ZNF415: variants seen among roughly 807,000 people sequenced by gnomAD.
ZNF415 encodes the protein zinc finger protein 415.
ZNF415 carries 5 observed loss-of-function variants against 7.3 expected under a neutral mutation model. The ratio of observed to expected loss-of-function variants is 0.69; its 90% CI spans 0.36 to 1.44. The LOEUF is 1.44. Among genes scored for constraint, ZNF415 ranks in the 40% most tolerant of loss-of-function variants. ZNF415 has a pLI of 0.04. For missense variants in ZNF415, 628 were observed against 664.8 expected (o/e 0.94, Z 0.61); for synonymous variants, 207 against 226.3 (o/e 0.91, Z 0.77).
Position 53,108,039 on chromosome 19 carries a change from T to C in ZNF415, c.*338A>G, listed in dbSNP as rs1184165837. 1 of 252,438 alleles carries C rather than the reference T, an allele frequency of 4.0e-6. No individual in the cohort carries two copies. Among genetic ancestry groups the C allele is most frequent in the Non-Finnish European group, 7.6e-6 (1 of 132,166 alleles). 15.6% of individuals were successfully genotyped at this position (252,438 alleles called of 1,614,324 possible). On this transcript the variant is annotated 3_prime_UTR_variant, in exon 4 of 4. Transcript: ENST00000243643. Reference sequence around the variant, plus strand: ...ATCCTTGGATGTGTTACAGTTTTGATCCTTGGTTAATAGCTTCAACATGCA... The same window carrying C: ...ATCCTTGGATGTGTTACAGTTTTGACCCTTGGTTAATAGCTTCAACATGCA...
intron 2 of ZNF415, among the ~76,000 whole-genome samples, chr19:53,118,123 T>C (rs1000220764): frequency 2.0e-5 from 3 of 152,142 alleles, no homozygotes; most frequent in South Asian, 4.2e-4. Context: ...AAAGGTATTA[T>C]ATGCAAATGA....
intron 3 of ZNF415, chr19:53,115,718 T>G (rs1215691240): frequency 3.0e-5 from 46 of 1,550,414 alleles, no homozygotes; most frequent in Admixed American, 3.9e-5. Flanking sequence ...TTTCACACCT[T>G]TGATCCATTC....
In ZNF415 at chr19:53,128,768, T is replaced by C. The variant is rs745624279; in HGVS notation, c.-68+4088A>G. On this transcript the variant is annotated intron_variant, in intron 1 of 3. Transcript: ENST00000243643. ...AGTTTAGACCAATTACAGATGAAAT[T>C]TCCAGAATATGAGACCATCCTCACT... 2.6e-4 allele frequency among the ~76,000 whole-genome samples: 28 copies of C among 106,322 alleles called. 2 individuals are homozygous for C. The highest frequency in any genetic ancestry group is 4.8e-4 in the Non-Finnish European group (22 of 45,906). The allele number at this position is 106,322 out of a possible 152,430, so 69.8% of individuals were successfully genotyped here. A position where few individuals can be genotyped will look rare whatever the true frequency, so the allele number is the denominator to read the frequency against.
chr19:53,122,652 C>T lies in ZNF415; in HGVS notation c.15+10G>A. On this transcript the variant is annotated intron_variant, in intron 2 of 3. Transcript: ENST00000243643. Reference sequence around the variant, plus strand: ...GGAGACAGAATGATCCACACAGAATCTTTCTTTACCTGAGTAAAAGCCATT... The same window carrying T: ...GGAGACAGAATGATCCACACAGAATTTTTCTTTACCTGAGTAAAAGCCATT... 6.2e-7 allele frequency: 1 copy of T among 1,614,184 alleles called. No homozygotes were observed. Among genetic ancestry groups the T allele is most frequent in the Non-Finnish European group, 8.5e-7 (1 of 1,180,032 alleles).
rs200654382 is a variant in ZNF415, at chr19:53,108,686, C to T, written c.1359G>A (p.Ser453=). Reference sequence around the variant, plus strand: ...GGATGACCTGATGGGTAGTTAAGTTCGAATGCACACTAAAGGCTTTCCCAC... The same window carrying T: ...GGATGACCTGATGGGTAGTTAAGTTTGAATGCACACTAAAGGCTTTCCCAC... The part of the protein sequence containing the change: ...NECGKAFSVH[S]NLTTHQVIHT... The change falls in exon 4 of 4, where the codon TCG becomes TCA. Residue 453 remains serine, a synonymous_variant. Coordinates refer to ENST00000243643, the MANE Select transcript of ZNF415 (RefSeq NM_018355.4). The T allele has an allele frequency of 1.3e-5, 21 of 1,614,024 alleles. No individual in the cohort carries two copies. The Middle Eastern group carries it at 4.9e-4, about 38-fold the overall frequency.
At position 53,116,314 on chromosome 19, in the gene ZNF415, C is replaced by T; in HGVS notation, c.135G>A (p.Leu45=). ...CTTCTGGAAGAAAATTATCCTCACC[C>T]AGGGAGACCAGGTTCCTGTAGTTCT... ...MLENYRNLVS[L]DLSRNCVIKE... The change falls in exon 3 of 4, where the codon CTG becomes CTA. Residue 45 remains leucine, a splice_region_variant and synonymous_variant. Transcript: ENST00000243643. The T allele has an allele frequency of 6.2e-7, 1 of 1,607,352 alleles. No homozygotes were observed. The highest frequency in any genetic ancestry group is 8.5e-7 in the Non-Finnish European group (1 of 1,178,204).
At chr19:53,115,901 GAA>G (rs1408348311) in intron 3 of ZNF415, 1 of 1,022,418 alleles carries the variant, frequency 9.8e-7, no homozygotes, top group Non-Finnish European at 1.5e-6. Flanking sequence ...GCTTGGATAA[GAA>G]GAGAGGCTAT....
intron 3 of ZNF415, chr19:53,115,855 TG>T (rs1258278983): frequency 6.9e-7 from 1 of 1,444,320 alleles, no homozygotes; most frequent in East Asian, 2.5e-5. Context: ...GAATGGAACA[TG>T]ATGTGCTGTG....
At chr19:53,124,925 G>A (rs115222601) in intron 1 of ZNF415, among the ~76,000 whole-genome samples, 3,246 of 152,256 alleles carry the variant, frequency 0.021, 146 homozygotes, top group African/African-American at 0.074. Flanking sequence ...CCAGGCTGTG[G>A]TCAGCTACAC....
intron 1 of ZNF415, among the ~76,000 whole-genome samples, chr19:53,131,118 T>C (rs1188759802): frequency 6.8e-6 from 1 of 147,472 alleles, no homozygotes; most frequent in Non-Finnish European, 1.5e-5. Flanking sequence ...TTAGTGTTAG[T>C]GTACTTTATG....
intron 3 of ZNF415, among the ~76,000 whole-genome samples, chr19:53,112,852 C>T (rs1044572406): frequency 7.2e-5 from 11 of 151,868 alleles, no homozygotes; most frequent in East Asian, 3.9e-4. Context: ...TTTGGGAGGC[C>T]GAGGCGGGTG....
intron 1 of ZNF415, chr19:53,129,454 CATTTTT>C: frequency 2.5e-6 from 1 of 398,806 alleles, no homozygotes; most frequent in Non-Finnish European, 4.4e-6. Flanking sequence ...TTCTTGTTTT[CATTTTT>C]AGAGGAAGAA....
intron 3 of ZNF415, among the ~76,000 whole-genome samples, chr19:53,114,238 G>A (rs932983564): frequency 6.6e-5 from 10 of 151,848 alleles, no homozygotes; most frequent in African/African-American, 1.9e-4. Context: ...GTGCAGCGGT[G>A]CCATCTCAGC....
rs191719948 is a variant in ZNF415 at position 53,128,638 on chromosome 19, G to A, written c.-68+4218C>T. Reference sequence around the variant, plus strand: ...GAAGACCCGGGAGCTGGAGTAAGGCGGTGGGGACGCCTCGGCACTGGCTGA... The same window carrying A: ...GAAGACCCGGGAGCTGGAGTAAGGCAGTGGGGACGCCTCGGCACTGGCTGA... On this transcript the variant is annotated intron_variant, in intron 1 of 3. Coordinates refer to ENST00000243643, the MANE Select transcript of ZNF415 (RefSeq NM_018355.4). Among the ~76,000 whole-genome samples, 6 of 112,332 alleles carry A rather than the reference G, an allele frequency of 5.3e-5. No individual in the cohort carries two copies. The South Asian group carries it at 1.1e-3, about 20-fold the overall frequency. The allele number at this position is 112,332 out of a possible 152,430, so 73.7% of individuals were successfully genotyped here.
intron 2 of ZNF415, among the ~76,000 whole-genome samples, chr19:53,117,514 G>T (rs1189399673): frequency 2.0e-5 from 3 of 151,598 alleles, no homozygotes; most frequent in African/African-American, 7.3e-5. Flanking sequence ...CTTATAAAGG[G>T]TGCTCCATAA....
In ZNF415 at chr19:53,109,296, C is replaced by A; in HGVS notation, c.749G>T (p.Gly250Val). 1 of 1,614,164 alleles carries A rather than the reference C, an allele frequency of 6.2e-7. No homozygotes were observed. The highest frequency in any genetic ancestry group is 8.5e-7 in the Non-Finnish European group (1 of 1,180,016). ...GEKGYKCDLCGKVFSQKSNLA... is the reference protein window; with the variant it reads ...GEKGYKCDLCVKVFSQKSNLA... ...GTTTGATTTTTGACTAAAGACCTTGCCACACAGATCACATTTATATCCTTT... is the reference window on the plus strand; with the variant it reads ...GTTTGATTTTTGACTAAAGACCTTGACACACAGATCACATTTATATCCTTT... The change falls in exon 4 of 4, where the codon GGC (glycine) becomes GTC (valine). Residue 250 changes from glycine to valine, a missense_variant. Gly to Val is a moderately radical substitution (Grantham distance 109). Coordinates refer to ENST00000243643, the MANE Select transcript of ZNF415 (RefSeq NM_018355.4).
rs370091805 is a variant in ZNF415, at chr19:53,128,862, C to T, written c.-68+3994G>A. Among the ~76,000 whole-genome samples, 102 of 112,112 alleles carry T rather than the reference C, an allele frequency of 9.1e-4. 25 individuals are homozygous for T. The South Asian group carries it at 0.031, about 34-fold the overall frequency. 73.5% of individuals were successfully genotyped at this position (112,112 alleles called of 152,430 possible). On this transcript the variant is annotated intron_variant, in intron 1 of 3. Transcript: ENST00000243643. Reference sequence around the variant, plus strand: ...AACCCCAGCCCCAGCATCTGAACCACAACCCCGGAGCAGGTGCTGCAGTCA... The same window carrying T: ...AACCCCAGCCCCAGCATCTGAACCATAACCCCGGAGCAGGTGCTGCAGTCA...
chr19:53,129,806 T>G lies in ZNF415; in HGVS notation c.-68+3050A>C, dbSNP rs1601344901. 2.1e-5 allele frequency: 8 copies of G among 389,220 alleles called. No individual in the cohort carries two copies. The East Asian group carries it at 2.9e-4, about 14-fold the overall frequency. The allele number at this position is 389,220 out of a possible 1,614,324, so 24.1% of individuals were successfully genotyped here. ...CTGGCCAGGCATGTTGGCTCGTGCC[T>G]GTAATCCCAGCACTTCGAGGCTGAA... On this transcript the variant is annotated intron_variant, in intron 1 of 3. Coordinates refer to ENST00000243643, the MANE Select transcript of ZNF415 (RefSeq NM_018355.4).
rs749895619 is a variant in ZNF415, at chr19:53,109,348, C to G, written c.697G>C (p.Val233Leu). The change falls in exon 4 of 4, where the codon GTA becomes CTA. Residue 233 changes from valine to leucine, a missense_variant. Val to Leu is a conservative substitution (Grantham distance 32, BLOSUM62 1). Transcript: ENST00000243643. ...TCTCCAGAATGACTTACCTGACGTA[C>G]AGTCATGTGTGAGCCATGATTCAAG... ...KALNHGSHMT[V>L]RQVSHSGEKG... The G allele has an allele frequency of 6.2e-7, 1 of 1,613,864 alleles. No individual in the cohort carries two copies. The highest frequency in any genetic ancestry group is 8.5e-7 in the Non-Finnish European group (1 of 1,180,016).
Sources: gnomAD v4.1 joint callset for allele counts (sites outside exome capture counted in the v4.1 genomes callset) on GRCh38, gnomAD v4.1.1 for gene constraint, MANE v1.5 for transcripts, NCBI Gene and HGNC (gene_info 2026-07-23, HGNC 2026-07-21) for gene names.